The following CDH4 variants were observed in gnomAD, a reference collection of about 807,000 sequenced individuals.
The protein encoded by CDH4 is cadherin-4.
CDH4 carries 33 observed loss-of-function variants against 86.0 expected under a neutral mutation model. That is an observed-to-expected ratio of 0.38 (90% CI 0.29 to 0.51). The LOEUF (loss-of-function observed/expected upper bound fraction) is 0.51. Among genes scored for constraint, CDH4 ranks in the 20% least tolerant of loss-of-function variants. The pLI is 0.86. For missense variants in CDH4, 1,114 were observed against 1,307.4 expected, an observed-to-expected ratio of 0.85 and a Z score of 2.28; for synonymous variants, 555 against 549.4, an observed-to-expected ratio of 1.01 and a Z score of -0.14.
chr20:61,439,257 G>A (rs913752156), intron 2 of CDH4, among the ~76,000 whole-genome samples: 28 of 152,102 alleles, frequency 1.8e-4, no homozygotes, highest in South Asian at 8.3e-4. Flanking sequence ...TGCAGTGTGC[G>A]TTTCGGTTGT....
At chr20:61,383,557 TATA>T (rs2084927119) in intron 2 of CDH4, among the ~76,000 whole-genome samples, 1 of 58,022 alleles carries the variant, frequency 1.7e-5, no homozygotes, top group East Asian at 8.6e-4. Context: ...ATATATATGA[TATA>T]TGATATATGA....
intron 2 of CDH4, among the ~76,000 whole-genome samples, chr20:61,731,225 G>A: frequency 6.6e-6 from 1 of 152,080 alleles, no homozygotes; most frequent in Non-Finnish European, 1.5e-5. Context: ...CTTGTGGTGT[G>A]TCCCATTCTG....
chr20:61,446,930 T>C (rs910503921), intron 2 of CDH4, among the ~76,000 whole-genome samples: 2 of 152,192 alleles, frequency 1.3e-5, no homozygotes, highest in African/African-American at 4.8e-5. Context: ...TTATTGCCAA[T>C]TGTTTATTGG....
intron 1 of CDH4, among the ~76,000 whole-genome samples, chr20:61,254,486 G>A (rs747922362): frequency 6.6e-6 from 1 of 152,222 alleles, no homozygotes; most frequent in Non-Finnish European, 1.5e-5. Context: ...CGGGAGCAGC[G>A]GCTGAAGTCT....
chr20:61,832,034 A>G (rs34791585), intron 4 of CDH4, among the ~76,000 whole-genome samples: 66,884 of 152,170 alleles, frequency 0.44, 16,764 homozygotes, highest in Non-Finnish European at 0.58. Flanking sequence ...TCATCCTGCA[A>G]GTTGGGTGGA....
chr20:61,386,466 G>A (rs74855190), intron 2 of CDH4, among the ~76,000 whole-genome samples: 3,579 of 152,078 alleles, frequency 0.024, 122 homozygotes, highest in African/African-American at 0.074. Context: ...CCTTCCCTGC[G>A]GAAGCCCTGG....
At position 61,937,624 on chromosome 20, in the gene CDH4, A is replaced by T. The variant is rs2055211222; in HGVS notation, c.*681A>T. On this transcript the variant is annotated 3_prime_UTR_variant, in exon 16 of 16. Transcript: ENST00000614565. Reference sequence around the variant, plus strand: ...GGCTGGTGGGGCTCAGAATACCCCTACCTTGTGGCTGCTCCCCACCCCTCC... The same window carrying T: ...GGCTGGTGGGGCTCAGAATACCCCTTCCTTGTGGCTGCTCCCCACCCCTCC... The T allele has an allele frequency of 1.2e-5, 1 of 84,804 alleles. No homozygotes were observed. The highest frequency in any genetic ancestry group is 5.0e-5 in the African/African-American group (1 of 20,088). The allele number at this position is 84,804 out of a possible 1,614,324, so 5.3% of individuals were successfully genotyped here.
intron 7 of CDH4, among the ~76,000 whole-genome samples, chr20:61,876,456 C>T (rs1430583486): frequency 1.3e-5 from 2 of 152,132 alleles, no homozygotes; most frequent in Non-Finnish European, 1.5e-5. Flanking sequence ...TTCTACTGAG[C>T]GACCGGAGAA....
chr20:61,842,039 A>T (rs1462845049), intron 4 of CDH4, among the ~76,000 whole-genome samples: 1 of 152,206 alleles, frequency 6.6e-6, no homozygotes, highest in African/African-American at 2.4e-5. Flanking sequence ...CATCAGGCTG[A>T]ATTCTCTATG....
At chr20:61,906,477 C>T (rs766988387) in intron 8 of CDH4, among the ~76,000 whole-genome samples, 3 of 152,268 alleles carry the variant, frequency 2.0e-5, no homozygotes, top group Non-Finnish European at 2.9e-5. Context: ...CCACAGAGGC[C>T]TGAAGGCCAG....
At chr20:61,279,186 C>T (rs1289886477) in intron 2 of CDH4, among the ~76,000 whole-genome samples, 1 of 152,226 alleles carries the variant, frequency 6.6e-6, no homozygotes, top group Non-Finnish European at 1.5e-5. Context: ...CATCTGGGAA[C>T]ATTCTACGTG....
intron 2 of CDH4, among the ~76,000 whole-genome samples, chr20:61,657,284 A>G (rs561521024): frequency 6.6e-6 from 1 of 152,334 alleles, no homozygotes; most frequent in South Asian, 2.1e-4. Context: ...ATTCTCCTAC[A>G]TGCTCTGAAT....
intron 2 of CDH4, among the ~76,000 whole-genome samples, chr20:61,651,290 G>A (rs891764975): frequency 1.1e-4 from 16 of 152,220 alleles, no homozygotes; most frequent in Admixed American, 3.9e-4. Context: ...GGGTCTCAAC[G>A]CTCAGGGAAG....
At chr20:61,306,154 T>C (rs560254731) in intron 2 of CDH4, among the ~76,000 whole-genome samples, 8 of 152,308 alleles carry the variant, frequency 5.3e-5, no homozygotes, top group African/African-American at 1.2e-4. Context: ...ATCTCATCTG[T>C]TGATTTTAAG....
intron 2 of CDH4, among the ~76,000 whole-genome samples, chr20:61,511,213 C>T (rs2085777506): frequency 6.6e-6 from 1 of 152,216 alleles, no homozygotes; most frequent in African/African-American, 2.4e-5. Flanking sequence ...GAGTAGCAGG[C>T]CTTGCCTTTT....
At chr20:61,543,115 C>T (rs1257003990) in intron 2 of CDH4, among the ~76,000 whole-genome samples, 1 of 152,254 alleles carries the variant, frequency 6.6e-6, no homozygotes, top group African/African-American at 2.4e-5. Context: ...TTTATTCTAG[C>T]CACGCTGGCA....
At chr20:61,748,353 G>A (rs1474391972) in intron 3 of CDH4, among the ~76,000 whole-genome samples, 1 of 152,120 alleles carries the variant, frequency 6.6e-6, no homozygotes, top group African/African-American at 2.4e-5. Context: ...GGCTGGTCTG[G>A]ATCTCTTAAT....
intron 3 of CDH4, among the ~76,000 whole-genome samples, chr20:61,744,431 G>A (rs567676091): frequency 1.4e-4 from 15 of 106,940 alleles, no homozygotes; most frequent in African/African-American, 5.5e-4. Flanking sequence ...AGAAGGAAAG[G>A]GAGGGAGAGG....
intron 2 of CDH4, among the ~76,000 whole-genome samples, chr20:61,686,812 T>G (rs1270446225): frequency 6.6e-6 from 1 of 152,208 alleles, no homozygotes; most frequent in African/African-American, 2.4e-5. Context: ...CTTGCATGCA[T>G]GTGTGGTCAT....
Sources: allele counts gnomAD v4.1 joint callset (sites outside exome capture counted in the v4.1 genomes callset), GRCh38; gene constraint gnomAD v4.1.1; transcripts MANE v1.5; gene names NCBI Gene and HGNC (gene_info 2026-07-23, HGNC 2026-07-21).